Variants in NBN observed in about 807,000 individuals in gnomAD.
The protein encoded by NBN is nibrin, also known as Nijmegen breakage syndrome 1 (nibrin).
Under a neutral mutation model 90.8 loss-of-function variants are expected in NBN, and 88 were observed. The ratio of observed to expected loss-of-function variants is 0.97; its 90% CI spans 0.82 to 1.16. The LOEUF (loss-of-function observed/expected upper bound fraction) is 1.16, where lower values mean the gene tolerates loss of function less well. Ranked by LOEUF, NBN falls within the 50% of genes most tolerant of loss-of-function variation. NBN has a pLI of 0.00. For missense variants in NBN, 894 were observed against 869.6 expected, an observed-to-expected ratio of 1.03 and a Z score of -0.35; for synonymous variants, 328 against 295.1, an observed-to-expected ratio of 1.11 and a Z score of -1.14.
intron 8 of NBN, among the ~76,000 whole-genome samples, chr8:89,963,700 C>A (rs536329093): frequency 9.7e-4 from 148 of 152,300 alleles, no homozygotes; most frequent in Non-Finnish European, 1.7e-3. Context: ...AATGGCACCA[C>A]CATCCACCCA....
intron 5 of NBN, among the ~76,000 whole-genome samples, chr8:89,973,004 G>T (rs902494973): frequency 4.6e-5 from 7 of 152,212 alleles, no homozygotes; most frequent in Non-Finnish European, 1.0e-4. Context: ...GCTAACTGTA[G>T]CTTAGTTCGA....
intron 11 of NBN, among the ~76,000 whole-genome samples, chr8:89,951,016 T>C (rs1563521197): frequency 1.3e-5 from 2 of 151,756 alleles, no homozygotes; most frequent in African/African-American, 4.8e-5. Flanking sequence ...GGATGGAATT[T>C]AAGGGAAAAA....
At chr8:89,967,499 T>G (rs1811310597) in intron 7 of NBN, among the ~76,000 whole-genome samples, 1 of 152,176 alleles carries the variant, frequency 6.6e-6, no homozygotes, top group Admixed American at 6.5e-5. Context: ...AATAAATGTG[T>G]ATTACGCATA....
chr8:89,941,361 A>G (rs572147532), intron 14 of NBN, among the ~76,000 whole-genome samples: 3 of 152,286 alleles, frequency 2.0e-5, no homozygotes, highest in African/African-American at 7.2e-5. Context: ...GGCATAAGGT[A>G]AGGGAGGCTA....
intron 9 of NBN, among the ~76,000 whole-genome samples, chr8:89,955,899 A>G (rs1810691927): frequency 6.6e-6 from 1 of 152,008 alleles, no homozygotes; most frequent in Admixed American, 6.5e-5. Flanking sequence ...AAAATTTTAA[A>G]TTATTCCCAC....
At chr8:89,941,607 T>C (rs1290081322) in intron 14 of NBN, among the ~76,000 whole-genome samples, 1 of 152,188 alleles carries the variant, frequency 6.6e-6, no homozygotes, top group African/African-American at 2.4e-5. Context: ...GTCTCTCTCT[T>C]CCTTCCCAGT....
rs142789863 is a variant in NBN at position 89,966,796 on chromosome 8, T to C, written c.897-2289A>G. Among the ~76,000 whole-genome samples the C allele has an allele frequency of 7.7e-3, 1,173 of 152,274 alleles. 6 individuals carry two copies. Among genetic ancestry groups the C allele is most frequent in the Non-Finnish European group, 0.012 (805 of 68,020 alleles). ...GAGGACTTCATGGAAGTTATACTAATTAAGACAATGTGGTATTGGTACAAA... is the reference window on the plus strand; with the variant it reads ...GAGGACTTCATGGAAGTTATACTAACTAAGACAATGTGGTATTGGTACAAA... On this transcript the variant is annotated intron_variant, in intron 7 of 15. Transcript: ENST00000265433.
intron 9 of NBN, among the ~76,000 whole-genome samples, chr8:89,956,717 A>G (rs577679634): frequency 2.0e-5 from 3 of 152,358 alleles, no homozygotes; most frequent in African/African-American, 7.2e-5. Flanking sequence ...AGGAGTTGCC[A>G]AACTACAGCC....
At chr8:89,940,748 C>CA (rs1387845259) in intron 14 of NBN, among the ~76,000 whole-genome samples, 4 of 151,268 alleles carry the variant, frequency 2.6e-5, no homozygotes, top group African/African-American at 4.9e-5. Context: ...GAAATAATGA[C>CA]AAAAAATCAG....
intron 14 of NBN, among the ~76,000 whole-genome samples, chr8:89,939,112 A>G (rs1809820186): frequency 6.6e-6 from 1 of 152,198 alleles, no homozygotes; most frequent in Non-Finnish European, 1.5e-5. Flanking sequence ...GTACACAATG[A>G]AAATATCCTA....
At chr8:89,973,173 C>G (rs971008528) in intron 5 of NBN, among the ~76,000 whole-genome samples, 6 of 152,184 alleles carry the variant, frequency 3.9e-5, no homozygotes, top group East Asian at 1.9e-4. Flanking sequence ...TTTGGCTCAT[C>G]ATTATATCCA....
At position 89,933,729 on chromosome 8, in the gene NBN, A is replaced by T. The variant is rs544588009; in HGVS notation, c.*1853T>A. 2 of 232,442 alleles carry T rather than the reference A, an allele frequency of 8.6e-6. No homozygotes were observed. Among genetic ancestry groups the T allele is most frequent in the Non-Finnish European group, 1.7e-5 (2 of 117,604 alleles). 14.4% of individuals were successfully genotyped at this position (232,442 alleles called of 1,614,324 possible). ...GGAGAGAAAAAATATCAAACAAAAGAAAAAAATAAATTTGACCTTGTCAAA... is the reference window on the plus strand; with the variant it reads ...GGAGAGAAAAAATATCAAACAAAAGTAAAAAATAAATTTGACCTTGTCAAA... On this transcript the variant is annotated 3_prime_UTR_variant, in exon 16 of 16. Coordinates refer to ENST00000265433, the MANE Select transcript of NBN (RefSeq NM_002485.5).
Position 89,978,312 on chromosome 8 carries a change from T to G in NBN, c.492A>C (p.Ala164=), listed in dbSNP as rs765493509. ...TTACAATTGGACGTCCACAAATGAG[T>G]GCACATATTGTCTACAATGAAGAAA... The part of the protein sequence containing the change: ...SVKVTIKTIC[A]LICGRPIVKP... The change falls in exon 5 of 16, where the codon GCA becomes GCC. Residue 164 remains alanine (A), a synonymous_variant. Transcript: ENST00000265433. 1 of 1,586,156 alleles carries G rather than the reference T, an allele frequency of 6.3e-7. No individual in the cohort carries two copies. Among genetic ancestry groups the G allele is most frequent in the Non-Finnish European group, 8.7e-7 (1 of 1,154,842 alleles).
intron 8 of NBN, among the ~76,000 whole-genome samples, chr8:89,962,775 GA>G (rs3215398): frequency 0.33 from 50,137 of 152,040 alleles, 8,344 homozygotes; most frequent in East Asian, 0.45. Context: ...GATGTCAGCT[GA>G]ATAAACATTC....
intron 8 of NBN, among the ~76,000 whole-genome samples, chr8:89,963,545 T>G (rs1482878295): frequency 6.6e-6 from 1 of 152,124 alleles, no homozygotes; most frequent in Non-Finnish European, 1.5e-5. Flanking sequence ...AATAAACCAT[T>G]TTTACAACAA....
At position 89,939,439 on chromosome 8, in the gene NBN, C is replaced by CAA. The variant is rs35152289; in HGVS notation, c.2185-2366_2185-2365dup. ...TCCATCTAATTCCTAATGAAATAAG[C>CAA]AAAAAAAAAATAGAAAAAAGTCAGC... On this transcript the variant is annotated intron_variant, in intron 14 of 15. Transcript: ENST00000265433. 3.4e-3 allele frequency among the ~76,000 whole-genome samples: 501 copies of CAA among 148,148 alleles called. 3 individuals carry two copies. The highest frequency in any genetic ancestry group is 9.4e-3 in the Admixed American group (140 of 14,862).
chr8:89,965,176 G>A (rs187253911), intron 7 of NBN, among the ~76,000 whole-genome samples: 141 of 151,932 alleles, frequency 9.3e-4, no homozygotes, highest in African/African-American at 3.0e-3. Context: ...GATACTATGA[G>A]CCTAAGATGA....
chr8:89,943,464 A>G, intron 13 of NBN, 98 bp from the exon 14 acceptor site: 2 of 1,210,722 alleles, frequency 1.7e-6, no homozygotes, highest in Non-Finnish European at 2.4e-6. Context: ...AATCATGCAT[A>G]AGTGCCAAAG....
At chr8:89,955,592 A>C in intron 9 of NBN, 37 bp from the exon 10 acceptor site, 1 of 1,596,078 alleles carries the variant, frequency 6.3e-7, no homozygotes, top group Non-Finnish European at 8.5e-7. Context: ...TAAATAATCA[A>C]GTTTACAGCA....
Sources: gnomAD v4.1 joint callset for allele counts (sites outside exome capture counted in the v4.1 genomes callset) on GRCh38, gnomAD v4.1.1 for gene constraint, MANE v1.5 for transcripts, NCBI Gene and HGNC (gene_info 2026-07-23, HGNC 2026-07-21) for gene names.